The following MSI2 variants were observed in gnomAD, a reference collection of about 807,000 sequenced individuals.
The protein encoded by MSI2 is RNA-binding protein Musashi homolog 2.
Under a neutral mutation model 45.6 loss-of-function variants are expected in MSI2, and 17 were observed. The observed-to-expected ratio is 0.37, with a 90% CI of 0.26 to 0.56. The LOEUF (loss-of-function observed/expected upper bound fraction) is 0.56. Ranked by LOEUF, MSI2 falls within the 20% of genes least tolerant of loss-of-function variation. The pLI, the probability that MSI2 is intolerant of heterozygous loss-of-function variation, is 0.77. For missense variants in MSI2, 293 were observed against 444.2 expected (o/e 0.66, Z 3.06); for synonymous variants, 156 against 158.2 (o/e 0.99, Z 0.11).
At chr17:57,467,019 TG>T (rs2143658626) in intron 6 of MSI2, among the ~76,000 whole-genome samples, 1 of 152,356 alleles carries the variant, frequency 6.6e-6, no homozygotes, top group East Asian at 1.9e-4. Context: ...AAGGGAGTGA[TG>T]TCTTATATGT....
At chr17:57,548,960 A>G (rs572672774) in intron 7 of MSI2, among the ~76,000 whole-genome samples, 14 of 133,420 alleles carry the variant, frequency 1.0e-4, no homozygotes, top group Non-Finnish European at 1.4e-4. Context: ...TGGACTTTAC[A>G]GTGGTTATTC....
intron 6 of MSI2, among the ~76,000 whole-genome samples, chr17:57,515,372 T>C (rs900218896): frequency 2.0e-5 from 3 of 152,142 alleles, no homozygotes; most frequent in Non-Finnish European, 4.4e-5. Flanking sequence ...CTGGGCTAAT[T>C]TTTGTATTTT....
chr17:57,349,932 G>T (rs1297241674), intron 5 of MSI2, among the ~76,000 whole-genome samples: 1 of 152,208 alleles, frequency 6.6e-6, no homozygotes, highest in African/African-American at 2.4e-5. Flanking sequence ...GAATATTCTA[G>T]AACCCAGTAG....
chr17:57,415,831 C>G (rs887282510), intron 6 of MSI2, among the ~76,000 whole-genome samples: 1 of 152,146 alleles, frequency 6.6e-6, no homozygotes, highest in Non-Finnish European at 1.5e-5. Context: ...CACAGCTATC[C>G]CTCTGACAAA....
intron 6 of MSI2, among the ~76,000 whole-genome samples, chr17:57,432,782 C>T (rs752141253): frequency 2.0e-5 from 3 of 152,194 alleles, no homozygotes; most frequent in African/African-American, 4.8e-5. Flanking sequence ...CTGACTCACT[C>T]GTTGAGACCG....
At chr17:57,687,624 T>C (rs1186177964), downstream of MSI2, among the ~76,000 whole-genome samples, 2 of 151,924 alleles carry the variant, frequency 1.3e-5, no homozygotes, top group Non-Finnish European at 2.9e-5. Flanking sequence ...TACTGAAAAA[T>C]AGACTGGATC....
intron 7 of MSI2, among the ~76,000 whole-genome samples, chr17:57,558,749 G>C (rs1179824866): frequency 6.6e-6 from 1 of 152,180 alleles, no homozygotes; most frequent in Non-Finnish European, 1.5e-5. Context: ...TTGTCTGTTT[G>C]CCTCCCATGT....
At chr17:57,311,974 G>A (rs1012582325) in intron 5 of MSI2, among the ~76,000 whole-genome samples, 4 of 152,250 alleles carry the variant, frequency 2.6e-5, no homozygotes, top group Non-Finnish European at 2.9e-5. Context: ...CTGGAATTAC[G>A]GGCGTGAGCT....
chr17:57,442,593 G>C (rs538216972), intron 6 of MSI2, among the ~76,000 whole-genome samples: 2 of 151,992 alleles, frequency 1.3e-5, no homozygotes, highest in Non-Finnish European at 2.9e-5. Context: ...GCCTCTCCTC[G>C]TGTGTTTCTT....
intron 6 of MSI2, among the ~76,000 whole-genome samples, chr17:57,478,973 G>C (rs372354317): frequency 1.3e-5 from 2 of 152,216 alleles, no homozygotes; most frequent in Admixed American, 6.5e-5. Context: ...CACTGGGGTG[G>C]AAAACAGAAC....
At chr17:57,292,473 C>G (rs1459417617) in intron 5 of MSI2, among the ~76,000 whole-genome samples, 1 of 152,046 alleles carries the variant, frequency 6.6e-6, no homozygotes, top group Non-Finnish European at 1.5e-5. Context: ...CCTGGTGACT[C>G]CAGTGGGGTT....
intron 5 of MSI2, among the ~76,000 whole-genome samples, chr17:57,313,146 G>A (rs1331190351): frequency 2.0e-5 from 3 of 152,104 alleles, no homozygotes; most frequent in Non-Finnish European, 4.4e-5. Flanking sequence ...CACCCGGCCG[G>A]CATTCGTTTT....
At chr17:57,563,110 A>AC (rs1171446687) in intron 7 of MSI2, among the ~76,000 whole-genome samples, 1 of 150,686 alleles carries the variant, frequency 6.6e-6, no homozygotes, top group Admixed American at 6.6e-5. Flanking sequence ...AAAAAAAAAA[A>AC]AAAAAAAAAA....
intron 5 of MSI2, among the ~76,000 whole-genome samples, chr17:57,287,370 C>A (rs1008037749): frequency 6.6e-6 from 1 of 152,134 alleles, no homozygotes; most frequent in Non-Finnish European, 1.5e-5. Flanking sequence ...AGCACCCCTT[C>A]CATGGGTCCC....
At chr17:57,616,283 G>GCA (rs779768133) in intron 9 of MSI2, 199 bp downstream of exon 9, 4 of 216,902 alleles carry the variant, frequency 1.8e-5, no homozygotes, top group Non-Finnish European at 1.7e-5. Flanking sequence ...GTGCATGCAT[G>GCA]TGTGTGTGTG....
intron 6 of MSI2, among the ~76,000 whole-genome samples, chr17:57,411,095 C>T (rs1224704098): frequency 6.6e-6 from 1 of 152,222 alleles, no homozygotes; most frequent in African/African-American, 2.4e-5. Context: ...GCCTCAGTCT[C>T]TGGGGCTCAG....
chr17:57,465,068 T>G (rs1024016241), intron 6 of MSI2, among the ~76,000 whole-genome samples: 10 of 152,222 alleles, frequency 6.6e-5, no homozygotes, highest in Non-Finnish European at 1.2e-4. Context: ...TTTTTTTTGA[T>G]GGAACCATCA....
At chr17:57,307,304 C>A (rs1056209669) in intron 5 of MSI2, among the ~76,000 whole-genome samples, 18 of 152,200 alleles carry the variant, frequency 1.2e-4, no homozygotes, top group African/African-American at 3.9e-4. Flanking sequence ...GCAGGAGTCA[C>A]CCAGTCTGTT....
intron 5 of MSI2, among the ~76,000 whole-genome samples, chr17:57,347,903 G>T (rs575178245): frequency 5.9e-5 from 9 of 152,188 alleles, no homozygotes; most frequent in African/African-American, 2.2e-4. Flanking sequence ...TGTGCCCTTT[G>T]CCAGGCCCTG....
Sources: allele counts gnomAD v4.1 joint callset (sites outside exome capture counted in the v4.1 genomes callset), GRCh38; gene constraint gnomAD v4.1.1; transcripts MANE v1.5; gene names NCBI Gene and HGNC (gene_info 2026-07-23, HGNC 2026-07-21).